The following PRDM11 variants were observed in gnomAD, a reference collection of about 807,000 sequenced individuals.
The protein encoded by PRDM11 is PR/SET domain 11.
A neutral mutation model predicts 97.8 loss-of-function variants in PRDM11; 20 were observed. That is an observed-to-expected ratio of 0.20 (90% CI 0.14 to 0.30). The LOEUF (loss-of-function observed/expected upper bound fraction) is 0.30. PRDM11 is among the 10% of genes least tolerant of loss of function. PRDM11 has a pLI of 1.00. For synonymous variants in PRDM11, 599 were observed against 637.7 expected, an observed-to-expected ratio of 0.94 and a Z score of 0.91; for missense variants, 1,139 against 1,555.2, an observed-to-expected ratio of 0.73 and a Z score of 4.50.
intron 5 of PRDM11, chr11:45,213,594 T>C (rs920201940): frequency 2.9e-5 from 13 of 455,894 alleles, no homozygotes; most frequent in African/African-American, 2.2e-4. Context: ...TTTTTTGGAG[T>C]GGGGAGAAGA....
intron 7 of PRDM11, 200 bp downstream of exon 7, chr11:45,225,043 G>A (rs755278529): frequency 3.5e-6 from 5 of 1,447,658 alleles, no homozygotes; most frequent in Middle Eastern, 2.5e-4. Flanking sequence ...GGTGCTCCAT[G>A]TGTTGCCCTT....
chr11:45,141,191 C>T (rs938917560), intron 1 of PRDM11, among the ~76,000 whole-genome samples: 1 of 152,198 alleles, frequency 6.6e-6, no homozygotes, highest in African/African-American at 2.4e-5. Context: ...CATCTACAAG[C>T]TCCATAAAGT....
intron 1 of PRDM11, among the ~76,000 whole-genome samples, chr11:45,131,115 T>G (rs184717203): frequency 2.0e-5 from 3 of 152,266 alleles, no homozygotes; most frequent in Admixed American, 2.0e-4. Context: ...ATCACACAGA[T>G]ACAATGATGA....
chr11:45,127,170 C>G (rs1442829290), intron 1 of PRDM11, among the ~76,000 whole-genome samples: 2 of 152,216 alleles, frequency 1.3e-5, no homozygotes, highest in African/African-American at 4.8e-5. Context: ...GTTCTCCAGC[C>G]TTGGCTTTCA....
chr11:45,217,168 G>A (rs894982497), intron 5 of PRDM11, among the ~76,000 whole-genome samples: 1 of 152,134 alleles, frequency 6.6e-6, no homozygotes, highest in African/African-American at 2.4e-5. Context: ...ACTAAATTGG[G>A]GACTGGAAAT....
chr11:45,190,425 G>T (rs1590423663), intron 4 of PRDM11, among the ~76,000 whole-genome samples: 1 of 151,598 alleles, frequency 6.6e-6, no homozygotes, highest in East Asian at 1.9e-4. Context: ...TGGGATTACA[G>T]GCATGAGCCA....
intron 5 of PRDM11, among the ~76,000 whole-genome samples, chr11:45,210,222 C>T (rs1435051816): frequency 6.6e-6 from 1 of 152,230 alleles, no homozygotes; most frequent in Admixed American, 6.5e-5. Flanking sequence ...TGTGTGCTGC[C>T]TCTCAGCTCC....
intron 1 of PRDM11, among the ~76,000 whole-genome samples, chr11:45,158,715 G>C (rs12416823): frequency 3.5e-4 from 53 of 152,170 alleles, no homozygotes; most frequent in African/African-American, 1.2e-3. Flanking sequence ...GCCTAACTCA[G>C]GCTTCGTCTT....
At chr11:45,189,368 A>C (rs1852827066) in intron 4 of PRDM11, among the ~76,000 whole-genome samples, 1 of 151,254 alleles carries the variant, frequency 6.6e-6, no homozygotes, top group South Asian at 2.1e-4. Flanking sequence ...TGAAGCCAGG[A>C]ATGAAGCTAA....
chr11:45,221,661 T>C (rs1341476514), intron 6 of PRDM11, among the ~76,000 whole-genome samples: 3 of 152,172 alleles, frequency 2.0e-5, no homozygotes, highest in African/African-American at 7.2e-5. Context: ...AAAGGAGGCG[T>C]GTCAGACAGA....
chr11:45,151,505 G>A (rs370439094), intron 1 of PRDM11, among the ~76,000 whole-genome samples: 42 of 152,296 alleles, frequency 2.8e-4, no homozygotes, highest in South Asian at 8.3e-4. Context: ...GGTACCATTC[G>A]GTCCTTCATT....
At chr11:45,194,949 T>C (rs1590429698) in intron 4 of PRDM11, among the ~76,000 whole-genome samples, 4 of 152,226 alleles carry the variant, frequency 2.6e-5, no homozygotes, top group Middle Eastern at 3.4e-3. Flanking sequence ...AAAGGCCATG[T>C]TACTTATCTA....
chr11:45,099,713 A>G (rs1459713823), intron 1 of PRDM11, among the ~76,000 whole-genome samples: 1 of 152,208 alleles, frequency 6.6e-6, no homozygotes, highest in Non-Finnish European at 1.5e-5. Context: ...TGTGTTATAA[A>G]CAATCCAATT....
chr11:45,136,945 C>A (rs1852863339), intron 1 of PRDM11, among the ~76,000 whole-genome samples: 1 of 149,008 alleles, frequency 6.7e-6, no homozygotes, highest in Non-Finnish European at 1.5e-5. Context: ...GAGTTCGAGA[C>A]CAGCCTGGCC....
intron 1 of PRDM11, among the ~76,000 whole-genome samples, chr11:45,103,709 TA>T (rs1472446589): frequency 6.7e-6 from 1 of 148,308 alleles, no homozygotes; most frequent in East Asian, 1.9e-4. Flanking sequence ...ATATATAATA[TA>T]TACATTATAT....
At chr11:45,213,529 G>C (rs748099140) in intron 5 of PRDM11, 1 of 456,458 alleles carries the variant, frequency 2.2e-6, no homozygotes, top group South Asian at 1.5e-5. Context: ...CGGGGGTGGT[G>C]CCCGCCTTGG....
Position 45,219,829 on chromosome 11 carries a change from A to G in PRDM11, c.742+72A>G. On this transcript the variant is annotated intron_variant, in intron 6 of 7. Transcript: ENST00000683152. This position sits in a 1 kb window ranked among gnomAD's most constrained non-coding sequence, Gnocchi z 4.2. ...GGGAGGCCTGGATAGCTTGTTTTGG[A>G]GCTTCCTGAGAAATACGGTTCCCAG... 1.4e-6 allele frequency: 2 copies of G among 1,471,014 alleles called. No individual in the cohort carries two copies. Among genetic ancestry groups the G allele is most frequent in the East Asian group, 2.4e-5 (1 of 40,910 alleles). 91.1% of individuals were successfully genotyped at this position (1,471,014 alleles called of 1,614,324 possible).
chr11:45,189,450 A>G (rs1222296525), intron 4 of PRDM11, among the ~76,000 whole-genome samples: 1 of 152,156 alleles, frequency 6.6e-6, no homozygotes, highest in South Asian at 2.1e-4. Flanking sequence ...CCACTGGGAG[A>G]GTAGCTGGTA....
At chr11:45,180,596 G>C (rs1169733182) in intron 1 of PRDM11, among the ~76,000 whole-genome samples, 2 of 151,112 alleles carry the variant, frequency 1.3e-5, no homozygotes, top group Admixed American at 6.6e-5. Flanking sequence ...CCCCCCTCCC[G>C]GCCGCCAGCC....
Sources: allele counts gnomAD v4.1 joint callset (sites outside exome capture counted in the v4.1 genomes callset), GRCh38; gene constraint gnomAD v4.1.1; non-coding constraint Gnocchi (gnomAD v3.1); transcripts MANE v1.5; gene names NCBI Gene and HGNC (gene_info 2026-07-23, HGNC 2026-07-21).